The following BBOX1 variants were observed in gnomAD, a reference collection of about 807,000 sequenced individuals.
The protein encoded by BBOX1 is gamma-butyrobetaine dioxygenase.
In BBOX1, 35 loss-of-function variants were observed where a neutral mutation model predicts 41.6. That is an observed-to-expected ratio of 0.84 (90% CI 0.64 to 1.11). The LOEUF (loss-of-function observed/expected upper bound fraction) is 1.11. Among genes scored for constraint, BBOX1 ranks in the 50% most tolerant of loss-of-function variants. The pLI is 0.00. For missense variants in BBOX1, 458 were observed against 460.6 expected (o/e 0.99, Z 0.05); for synonymous variants, 163 against 154.7 (o/e 1.05, Z -0.40).
chr11:27,052,207 T>C (rs1206152916), intron 2 of BBOX1, among the ~76,000 whole-genome samples: 1 of 152,098 alleles, frequency 6.6e-6, no homozygotes, highest in East Asian at 1.9e-4. Flanking sequence ...TAAAACTTTT[T>C]GTGAGAATAT....
chr11:27,077,582 G>A (rs1292570088), intron 4 of BBOX1, among the ~76,000 whole-genome samples: 2 of 145,246 alleles, frequency 1.4e-5, no homozygotes, highest in African/African-American at 5.2e-5. Flanking sequence ...CCAAAAGGGA[G>A]AGGCATACTA....
rs534660577 is a variant in BBOX1, at chr11:27,113,285, C to T, written c.534-2167C>T. On this transcript the variant is annotated intron_variant, in intron 5 of 8. Coordinates refer to ENST00000263182, the MANE Select transcript of BBOX1 (RefSeq NM_003986.3). Reference sequence around the variant, plus strand: ...TTAAAAACATTATCATTTGACCCAGCAATGCCACTATTGAGTGTATACCCA... The same window carrying T: ...TTAAAAACATTATCATTTGACCCAGTAATGCCACTATTGAGTGTATACCCA... 5.3e-5 allele frequency among the ~76,000 whole-genome samples: 8 copies of T among 151,986 alleles called. No individual in the cohort carries two copies. The South Asian group carries it at 1.2e-3, about 24-fold the overall frequency.
chr11:27,074,265 T>A (rs535433972), intron 4 of BBOX1, among the ~76,000 whole-genome samples: 1 of 152,076 alleles, frequency 6.6e-6, no homozygotes, highest in South Asian at 2.1e-4. Context: ...TAGTTCTTTA[T>A]AGCAGTGTGA....
At chr11:27,074,235 A>G (rs748621868) in intron 4 of BBOX1, among the ~76,000 whole-genome samples, 2 of 151,980 alleles carry the variant, frequency 1.3e-5, no homozygotes, top group Non-Finnish European at 2.9e-5. Flanking sequence ...GCTTTCCTTC[A>G]TAAATCACCC....
chr11:27,077,243 G>A (rs984075107), intron 4 of BBOX1, among the ~76,000 whole-genome samples: 21 of 152,114 alleles, frequency 1.4e-4, no homozygotes, highest in Non-Finnish European at 1.5e-5. Context: ...CCATGCTGGA[G>A]ACTGGGAATG....
Position 27,119,595 on chromosome 11 carries a change from ATAAT to A in BBOX1, c.640-50_640-47del, listed in dbSNP as rs1484727323. ...TTTATTTTATTGAAGATTAATTCTA[ATAAT>A]TAAAATGTAATTTAATATTTATTTA... On this transcript the variant is annotated intron_variant, in intron 6 of 8. Transcript: ENST00000263182. The A allele has an allele frequency of 4.0e-6, 4 of 993,650 alleles. No homozygotes were observed. The Admixed American group carries it at 1.6e-4, about 41-fold the overall frequency. The allele number at this position is 993,650 out of a possible 1,614,324, so 61.6% of individuals were successfully genotyped here. A position where few individuals can be genotyped will look rare whatever the true frequency, so the allele number is the denominator to read the frequency against.
Position 27,127,651 on chromosome 11 carries a change from A to C in BBOX1, c.*198A>C. ...TTAGATGTTTCACCACTCTTTTGCA[A>C]ATAAAGCATCCTTTCTGCTCTGTTG... On this transcript the variant is annotated 3_prime_UTR_variant, in exon 9 of 9. Coordinates refer to ENST00000263182, the MANE Select transcript of BBOX1 (RefSeq NM_003986.3). 4 of 599,494 alleles carry C rather than the reference A, an allele frequency of 6.7e-6. No individual in the cohort carries two copies. Among genetic ancestry groups the C allele is most frequent in the Non-Finnish European group, 1.1e-5 (4 of 367,626 alleles). 37.1% of individuals were successfully genotyped at this position (599,494 alleles called of 1,614,324 possible).
At chr11:27,048,559 A>T (rs1851565977) in intron 2 of BBOX1, among the ~76,000 whole-genome samples, 1 of 151,422 alleles carries the variant, frequency 6.6e-6, no homozygotes, top group Non-Finnish European at 1.5e-5. Flanking sequence ...GATAGATAAT[A>T]GATAGATATG....
chr11:27,105,922 G>A (rs996261647), intron 5 of BBOX1, among the ~76,000 whole-genome samples: 1 of 152,180 alleles, frequency 6.6e-6, no homozygotes, highest in African/African-American at 2.4e-5. Flanking sequence ...CCAGAAGAGA[G>A]TGGGGGCAAA....
intron 4 of BBOX1, among the ~76,000 whole-genome samples, chr11:27,065,192 T>C (rs1261007659): frequency 6.6e-6 from 1 of 152,156 alleles, no homozygotes; most frequent in Non-Finnish European, 1.5e-5. Context: ...TCAGATCTCT[T>C]TCATTGCCAT....
intron 4 of BBOX1, among the ~76,000 whole-genome samples, chr11:27,063,423 A>G (rs1286529358): frequency 6.6e-6 from 1 of 152,178 alleles, no homozygotes; most frequent in African/African-American, 2.4e-5. Flanking sequence ...TATGATATAC[A>G]TATGAAGCTA....
At position 27,125,759 on chromosome 11, in the gene BBOX1, G is replaced by A; in HGVS notation, c.942G>A (p.Leu314=). ...VERVQPFYAA[L]KEFVDLMNSK... ...GAGTTCAGCCTTTTTATGCTGCTCT[G>A]AAGGAGTTTGTTGACCTCATGAACA... The change falls in exon 8 of 9, where the codon CTG becomes CTA. Residue 314 remains leucine, a synonymous_variant. Transcript: ENST00000263182. 1 of 1,613,842 alleles carries A rather than the reference G, an allele frequency of 6.2e-7. No individual in the cohort carries two copies. Among genetic ancestry groups the A allele is most frequent in the Non-Finnish European group, 8.5e-7 (1 of 1,179,900 alleles).
chr11:27,114,414 T>C (rs943466488), intron 5 of BBOX1, among the ~76,000 whole-genome samples: 3 of 151,716 alleles, frequency 2.0e-5, no homozygotes, highest in Non-Finnish European at 4.4e-5. Flanking sequence ...TTATATGAAA[T>C]TGTGATGGCC....
chr11:27,065,994 C>T (rs949530853), intron 4 of BBOX1, among the ~76,000 whole-genome samples: 4 of 152,156 alleles, frequency 2.6e-5, no homozygotes, highest in African/African-American at 9.7e-5. Flanking sequence ...ATAATTATTA[C>T]AGTCCATTCC....
intron 7 of BBOX1, among the ~76,000 whole-genome samples, chr11:27,125,231 T>C (rs1859609408): frequency 6.6e-6 from 1 of 152,204 alleles, no homozygotes; most frequent in Non-Finnish European, 1.5e-5. Context: ...AATAGAATTT[T>C]CTTCCCATCA....
chr11:27,054,573 C>G (rs1238999939), intron 2 of BBOX1, among the ~76,000 whole-genome samples: 1 of 152,094 alleles, frequency 6.6e-6, no homozygotes, highest in Non-Finnish European at 1.5e-5. Context: ...AGTTTCCTCT[C>G]CTGTAAATAG....
chr11:27,073,342 C>T (rs1306379789), intron 4 of BBOX1, among the ~76,000 whole-genome samples: 1 of 152,120 alleles, frequency 6.6e-6, no homozygotes, highest in Non-Finnish European at 1.5e-5. Flanking sequence ...CAGAGAAATG[C>T]AAATCAAAAC....
chr11:27,067,717 C>T (rs764072853), intron 4 of BBOX1, among the ~76,000 whole-genome samples: 4 of 151,942 alleles, frequency 2.6e-5, no homozygotes, highest in South Asian at 4.1e-4. Flanking sequence ...GCCGAGATCG[C>T]GCCACTGCAC....
At chr11:27,101,727 T>C (rs1858666993) in intron 5 of BBOX1, among the ~76,000 whole-genome samples, 1 of 152,148 alleles carries the variant, frequency 6.6e-6, no homozygotes, top group Non-Finnish European at 1.5e-5. Flanking sequence ...TGCAGTTTTA[T>C]TGAGGTACAA....
Sources: gnomAD v4.1 joint callset for allele counts (sites outside exome capture counted in the v4.1 genomes callset) on GRCh38, gnomAD v4.1.1 for gene constraint, MANE v1.5 for transcripts, NCBI Gene and HGNC (gene_info 2026-07-23, HGNC 2026-07-21) for gene names.